Variants in RANBP2 observed in about 807,000 individuals in gnomAD.
The protein encoded by RANBP2 is RAN binding protein 2.
In RANBP2, 57 loss-of-function variants were observed where a neutral mutation model predicts 303.6. That is an observed-to-expected ratio of 0.19 (90% confidence interval 0.15 to 0.23). The LOEUF (loss-of-function observed/expected upper bound fraction) is 0.23, where lower values mean the gene tolerates loss of function less well. RANBP2 is among the 10% of genes least tolerant of loss of function. The pLI, the probability that RANBP2 is intolerant of heterozygous loss-of-function variation, is 1.00. For synonymous variants in RANBP2, 1,167 were observed against 1,301.5 expected (o/e 0.90, Z 2.23); for missense variants, 3,138 against 3,780.8 (o/e 0.83, Z 4.46).
At position 108,764,163 on chromosome 2, in the gene RANBP2, C is replaced by T; in HGVS notation, c.3624C>T (p.Ser1208=). 6.2e-7 allele frequency: 1 copy of T among 1,613,950 alleles called. No individual in the cohort carries two copies. Among genetic ancestry groups the T allele is most frequent in the African/African-American group, 1.3e-5 (1 of 74,990 alleles). Residue 1208 remains serine (S), a synonymous_variant, in exon 20 of 29, where the codon TCC becomes TCT. Transcript: ENST00000283195. The part of the protein sequence containing the change: ...RAKLFRFDVE[S]KEWKERGIGN... ...AATTGTTTCGTTTCGATGTAGAATC[C>T]AAAGAATGGAAAGAACGTGGGATTG... is the stretch of plus-strand genomic sequence containing the variant.
intron 23 of RANBP2, 43 bp downstream of exon 23, chr2:108,773,089 T>G (rs1165183756): frequency 1.3e-6 from 2 of 1,538,552 alleles, no homozygotes; most frequent in South Asian, 1.2e-5. Context: ...TTCCATTGCC[T>G]TTGTTGATGC....
At chr2:109,616,127 G>A in the RANBP2 span, 4 of 1,428,556 alleles carry the variant, frequency 2.8e-6, no homozygotes, top group South Asian at 1.7e-5. Context: ...AATACTAGGT[G>A]TTGTAAGGAA....
chr2:109,506,788 T>G, the RANBP2 span, among the ~76,000 whole-genome samples: 1 of 152,208 alleles, frequency 6.6e-6, no homozygotes, highest in Non-Finnish European at 1.5e-5. Flanking sequence ...AAAATGATGG[T>G]TCTGACAGGG....
chr2:109,172,723 T>C, the RANBP2 span, among the ~76,000 whole-genome samples: 1 of 152,220 alleles, frequency 6.6e-6, no homozygotes, highest in Non-Finnish European at 1.5e-5. Context: ...TCTGCCCATG[T>C]TGAGCTCTGG....
At chr2:109,476,784 T>A in the RANBP2 span, among the ~76,000 whole-genome samples, 1,697 of 152,306 alleles carry the variant, frequency 0.011, 37 homozygotes, top group African/African-American at 0.038. Flanking sequence ...CTGGTTGCCC[T>A]TTTTTATGGT....
chr2:109,697,158 A>C, the RANBP2 span, among the ~76,000 whole-genome samples: 64 of 152,282 alleles, frequency 4.2e-4, no homozygotes, highest in South Asian at 1.9e-3. Context: ...TGTTTGATTT[A>C]TCCCTAGGCA....
chr2:109,374,666 C>CA, the RANBP2 span, among the ~76,000 whole-genome samples: 1 of 152,220 alleles, frequency 6.6e-6, no homozygotes, highest in Non-Finnish European at 1.5e-5. Flanking sequence ...GCAGACCCGT[C>CA]ACCTCACACT....
chr2:109,398,188 T>G, the RANBP2 span, among the ~76,000 whole-genome samples: 1 of 152,228 alleles, frequency 6.6e-6, no homozygotes, highest in Non-Finnish European at 1.5e-5. Flanking sequence ...GCTGGGAACC[T>G]GCTGTCATGG....
chr2:109,009,857 T>G, the RANBP2 span, among the ~76,000 whole-genome samples: 1 of 151,962 alleles, frequency 6.6e-6, no homozygotes, highest in Non-Finnish European at 1.5e-5. Context: ...TGGATTTCAG[T>G]CTTTCGTCTC....
At position 108,742,426 on chromosome 2, in the gene RANBP2, G is replaced by C. The variant is rs189912944; in HGVS notation, c.975+1745G>C. Among the ~76,000 whole-genome samples, 132 of 152,112 alleles carry C rather than the reference G, an allele frequency of 8.7e-4. 4 individuals are homozygous for C. The highest frequency in any genetic ancestry group is 6.8e-3 in the Middle Eastern group (2 of 294). ...TCAAGTGATTCTCCTGCTTCAGCCT[G>C]TCACGTATCTGGGATTACAGGCACA... On this transcript the variant is annotated intron_variant, in intron 7 of 28. Transcript: ENST00000283195.
chr2:109,210,397 C>T, the RANBP2 span, among the ~76,000 whole-genome samples: 1 of 152,224 alleles, frequency 6.6e-6, no homozygotes, highest in African/African-American at 2.4e-5. Context: ...TTTCCGTGCT[C>T]CCTCGTTTTG....
At chr2:109,223,751 A>G in the RANBP2 span, among the ~76,000 whole-genome samples, 2 of 152,012 alleles carry the variant, frequency 1.3e-5, no homozygotes, top group Non-Finnish European at 2.9e-5. Context: ...GCCGTGGAGG[A>G]CAGCCTCTGA....
chr2:109,110,158 T>G, the RANBP2 span, among the ~76,000 whole-genome samples: 4 of 152,208 alleles, frequency 2.6e-5, no homozygotes, highest in Non-Finnish European at 5.9e-5. Context: ...TGCAATGGCA[T>G]GTAGCAAATT....
At chr2:109,292,361 C>T in the RANBP2 span, among the ~76,000 whole-genome samples, 1 of 152,160 alleles carries the variant, frequency 6.6e-6, no homozygotes, top group Non-Finnish European at 1.5e-5. Context: ...TGGCTGGGAT[C>T]ATATAAACAT....
At chr2:109,059,533 A>G in the RANBP2 span, among the ~76,000 whole-genome samples, 2 of 151,424 alleles carry the variant, frequency 1.3e-5, no homozygotes, top group East Asian at 2.0e-4. Context: ...CTGAGATCAC[A>G]CCACTGCACT....
the RANBP2 span, among the ~76,000 whole-genome samples, chr2:109,076,855 A>T: frequency 6.6e-6 from 1 of 150,554 alleles, no homozygotes; most frequent in African/African-American, 2.4e-5. Flanking sequence ...TCCCTATCAA[A>T]ATTCTAAGGG....
chr2:108,877,118 A>G, the RANBP2 span, among the ~76,000 whole-genome samples: 1 of 152,242 alleles, frequency 6.6e-6, no homozygotes, highest in African/African-American at 2.4e-5. Flanking sequence ...AAGTAGAAAC[A>G]GAAAGCCATA....
At chr2:109,506,899 G>A in the RANBP2 span, among the ~76,000 whole-genome samples, 374 of 152,326 alleles carry the variant, frequency 2.5e-3, no homozygotes, top group Admixed American at 6.5e-3. Flanking sequence ...CTTGGTGTGA[G>A]GCCACATGCT....
rs770333495 is a variant in RANBP2, at chr2:108,768,029, T to C, written c.7490T>C (p.Val2497Ala). The C allele has an allele frequency of 3.1e-6, 5 of 1,612,064 alleles. No individual in the cohort carries two copies. The highest frequency in any genetic ancestry group is 4.2e-6 in the Non-Finnish European group (5 of 1,179,872). Residue 2497 changes from valine (V) to alanine (A), a missense_variant, in exon 20 of 29, where the codon GTG (valine) becomes GCG (alanine). Transcript: ENST00000283195. ...GCAGATGCAACTTCAGAAGTTGAAG[T>C]GTCTAGCACATCTGAAACAACACCA... ...DVADATSEVE[V>A]SSTSETTPKA...
Sources: allele counts gnomAD v4.1 joint callset (sites outside exome capture counted in the v4.1 genomes callset), GRCh38; gene constraint gnomAD v4.1.1; transcripts MANE v1.5; gene names NCBI Gene and HGNC (gene_info 2026-07-23, HGNC 2026-07-21).